Variants in ERI1 observed in about 807,000 individuals in gnomAD.
The protein encoded by ERI1 is exoribonuclease 1, also known as 3'-5' exoribonuclease 1.
A neutral mutation model predicts 39.7 loss-of-function variants in ERI1; 39 were observed. The observed-to-expected ratio is 0.98, with a 90% CI of 0.76 to 1.28. ERI1 has a LOEUF of 1.28. ERI1 is among the 50% of genes most tolerant of loss of function. ERI1 has a pLI of 0.00. For synonymous variants in ERI1, 204 were observed against 149.6 expected (o/e 1.36, Z -2.65); for missense variants, 581 against 416.9 (o/e 1.39, Z -3.43).
At position 9,011,552 on chromosome 8, in the gene ERI1, G is replaced by T; in HGVS notation, c.298G>T (p.Asp100Tyr). The T allele has an allele frequency of 6.2e-7, 1 of 1,605,480 alleles. No homozygotes were observed. The highest frequency in any genetic ancestry group is 1.7e-5 in the Admixed American group (1 of 58,700). Residue 100 changes from aspartate (D) to tyrosine (Y), a missense_variant, in exon 3 of 7, where the codon GAT (aspartate) becomes TAT (tyrosine). Physicochemically the swap from Asp to Tyr is radical, Grantham distance 160. Transcript: ENST00000250263. ...TCTTCTTCTACTTAGAGGAGTAAAG[G>T]ATGTTCTAAAGAAGAGACTGAAAAA... ...EFKLETRGVK[D>Y]VLKKRLKNYY...
intron 1 of ERI1, chr8:9,004,083 C>A (rs956719226): frequency 7.8e-7 from 1 of 1,289,324 alleles, no homozygotes. Context: ...GTGCCCCTCG[C>A]TGCCTTGTGT....
Position 9,031,344 on chromosome 8 carries a change from A to G in ERI1, c.*1310A>G, listed in dbSNP as rs1797574882. The G allele has an allele frequency of 6.6e-6, 1 of 152,228 alleles. No individual in the cohort carries two copies. Among genetic ancestry groups the G allele is most frequent in the Non-Finnish European group, 1.5e-5 (1 of 68,046 alleles). The allele number at this position is 152,228 out of a possible 1,614,324, so 9.4% of individuals were successfully genotyped here. On this transcript the variant is annotated 3_prime_UTR_variant, in exon 7 of 7. Transcript: ENST00000250263. ...GGCAGTAGATTTCTTAAGCCAATGA[A>G]TTTCTGCTTTTCAGCAGTAGTCATA...
rs577459277 is a variant in ERI1 at position 9,056,227 on chromosome 8, G to T, written n.299+35763G>T. The stretch of plus-strand genomic sequence containing the variant: ...GGAAGTGGAAGACACTGTCTCTGCG[G>T]ATTTGGGATCAGCTGGATGGGGCAC... On this transcript the variant is annotated intron_variant and non_coding_transcript_variant, in intron 3 of 3. Transcript: ENST00000518663. 4.6e-5 allele frequency among the ~76,000 whole-genome samples: 7 copies of T among 152,368 alleles called. No individual in the cohort carries two copies. In the South Asian group the frequency reaches 1.4e-3, roughly 32 times the overall value.
chr8:9,096,979 A>C (rs1658220180), intron 3 of ERI1: 1 of 151,950 alleles, frequency 6.6e-6, no homozygotes, highest in African/African-American at 2.4e-5. Flanking sequence ...TTATGATGGG[A>C]GTCAGGGCTC....
chr8:9,099,876 T>C (rs1799997190), intron 3 of ERI1: 1 of 151,738 alleles, frequency 6.6e-6, no homozygotes, highest in Non-Finnish European at 1.5e-5. Flanking sequence ...TGAGTGGAAT[T>C]GCTGAGTCAT....
intron 3 of ERI1, among the ~76,000 whole-genome samples, chr8:9,043,643 C>T (rs1020065245): frequency 1.2e-4 from 18 of 152,150 alleles, no homozygotes; most frequent in African/African-American, 4.3e-4. Flanking sequence ...AGAGGTTGGG[C>T]AATTTTGGAA....
chr8:9,020,158 G>A (rs532890124), intron 5 of ERI1, among the ~76,000 whole-genome samples, 192 bp from the exon 6 acceptor site: 1 of 152,170 alleles, frequency 6.6e-6, no homozygotes, highest in East Asian at 1.9e-4. Context: ...TAATATATCC[G>A]ACTTCTTTGT....
At chr8:9,029,524 T>G (rs1012914021) in intron 6 of ERI1, among the ~76,000 whole-genome samples, 6 of 152,046 alleles carry the variant, frequency 3.9e-5, no homozygotes, top group African/African-American at 1.4e-4. Flanking sequence ...AGAGATGGGG[T>G]GTCACCATGT....
chr8:9,020,431 C>A lies in ERI1; in HGVS notation c.774C>A (p.Ile258=). The change falls in exon 6 of 7, where the codon ATC becomes ATA. Residue 258 remains isoleucine, a synonymous_variant. Coordinates refer to ENST00000250263, the MANE Select transcript of ERI1 (RefSeq NM_153332.4). ...LKYPPFAKKW[I]NIRKSYGNFY... is the part of the protein sequence containing the mutation. ...ACCCTCCTTTTGCGAAAAAGTGGAT[C>A]AATATTCGGAAGTCATATGGAAATT... The A allele has an allele frequency of 1.9e-6, 3 of 1,606,604 alleles. No individual in the cohort carries two copies. Among genetic ancestry groups the A allele is most frequent in the Non-Finnish European group, 2.5e-6 (3 of 1,176,822 alleles).
chr8:9,011,749 A>G lies in ERI1; in HGVS notation c.495A>G (p.Glu165=). The change falls in exon 3 of 7, where the codon GAA becomes GAG. Residue 165 remains glutamate, a synonymous_variant. Coordinates refer to ENST00000250263, the MANE Select transcript of ERI1 (RefSeq NM_153332.4). The stretch of plus-strand genomic sequence containing the variant: ...TTTTACTGAATACGCATACTTTAGA[A>G]ATAGTAAGTGAATTTTTGTATTTTA... ...PVVLLNTHTL[E]IEDTFQQYVR... is the part of the protein sequence containing the mutation. 6.3e-7 allele frequency: 1 copy of G among 1,590,796 alleles called. No individual in the cohort carries two copies. The highest frequency in any genetic ancestry group is 8.6e-7 in the Non-Finnish European group (1 of 1,164,374).
chr8:9,035,479 G>A (rs1028940806), downstream of ERI1, among the ~76,000 whole-genome samples: 3 of 152,116 alleles, frequency 2.0e-5, no homozygotes, highest in African/African-American at 7.2e-5. Flanking sequence ...AAAGGGAACG[G>A]CAAAGCCTGA....
intron 3 of ERI1, among the ~76,000 whole-genome samples, chr8:9,084,458 A>G (rs1421767770): frequency 1.3e-5 from 2 of 152,182 alleles, no homozygotes; most frequent in African/African-American, 2.4e-5. Context: ...CCCCACGTTT[A>G]TCATTGTGTA....
intron 3 of ERI1, among the ~76,000 whole-genome samples, chr8:9,016,046 A>G (rs1817240440): frequency 7.1e-6 from 1 of 141,512 alleles, no homozygotes; most frequent in Non-Finnish European, 1.6e-5. Flanking sequence ...GAACAAAATT[A>G]TTAATATTTT....
rs148409669 is a variant in ERI1 at position 9,013,470 on chromosome 8, C to G, written c.498+1718C>G. Among the ~76,000 whole-genome samples, 134 of 152,198 alleles carry G rather than the reference C, an allele frequency of 8.8e-4. 1 individual carries two copies. Among genetic ancestry groups the G allele is most frequent in the Middle Eastern group, 6.8e-3 (2 of 294 alleles). On this transcript the variant is annotated intron_variant, in intron 3 of 6. Transcript: ENST00000250263. Reference sequence around the variant, plus strand: ...CTTGCAGTTTTCTTTGCTGGTTCCTCCTTTCCTTCCCAGCTTCCCCGTATC... The same window carrying G: ...CTTGCAGTTTTCTTTGCTGGTTCCTGCTTTCCTTCCCAGCTTCCCCGTATC...
chr8:9,034,501 A>ATC (rs984531657), downstream of ERI1, among the ~76,000 whole-genome samples: 1 of 152,012 alleles, frequency 6.6e-6, no homozygotes, highest in Non-Finnish European at 1.5e-5. Context: ...GATTATTATT[A>ATC]TCTCTCTTAG....
chr8:9,079,523 CTTGCTAAAGTTCAAATGACTGTG>C (rs1317653313), intron 3 of ERI1, among the ~76,000 whole-genome samples: 2 of 152,158 alleles, frequency 1.3e-5, no homozygotes, highest in Non-Finnish European at 2.9e-5. Flanking sequence ...AAAAGAGGAG[CTTGCTAAAGTTCAAATGACTGTG>C]TCGATCTAAA....
In ERI1 at chr8:9,016,437, T is replaced by A. The variant is rs768247644; in HGVS notation, c.582+32T>A. On this transcript the variant is annotated intron_variant, in intron 4 of 6. Coordinates refer to ENST00000250263, the MANE Select transcript of ERI1 (RefSeq NM_153332.4). ...ATTCTAAGTTCTTCTTTCTAGAGTT[T>A]GAAAGAGTTCTTGAAATTAGGGATT... is the stretch of plus-strand genomic sequence containing the variant. 2.9e-6 allele frequency: 4 copies of A among 1,367,018 alleles called. No homozygotes were observed. In the African/African-American group the frequency reaches 5.9e-5, roughly 20 times the overall value. 84.7% of individuals were successfully genotyped at this position (1,367,018 alleles called of 1,614,324 possible). A position where few individuals can be genotyped will look rare whatever the true frequency, so the allele number is the denominator to read the frequency against.
rs187868467 is a variant in ERI1, at chr8:9,027,635, A to G, written c.808-2157A>G. Reference sequence around the variant, plus strand: ...TGTCTTACATTTAGGTCTTTGATCAATTTTAAGTTAATTTTGTTATATGGT... The same window carrying G: ...TGTCTTACATTTAGGTCTTTGATCAGTTTTAAGTTAATTTTGTTATATGGT... On this transcript the variant is annotated intron_variant, in intron 6 of 6. Transcript: ENST00000250263. 7.8e-3 allele frequency among the ~76,000 whole-genome samples: 1,190 copies of G among 152,256 alleles called. 15 individuals are homozygous for G. The highest frequency in any genetic ancestry group is 0.028 in the African/African-American group (1,143 of 41,548).
rs183273578 is a variant in ERI1, at chr8:9,016,288, T to A, written c.499-34T>A. The A allele has an allele frequency of 1.8e-5, 25 of 1,392,458 alleles. No individual in the cohort carries two copies. The South Asian group carries it at 3.1e-4, about 17-fold the overall frequency. The allele number at this position is 1,392,458 out of a possible 1,614,324, so 86.3% of individuals were successfully genotyped here. On this transcript the variant is annotated intron_variant, in intron 3 of 6. Transcript: ENST00000250263. Reference sequence around the variant, plus strand: ...CATGTATCGTGTATCTTAACTCATATAAATTACTTTAACTTGCTATCCTTC... The same window carrying A: ...CATGTATCGTGTATCTTAACTCATAAAAATTACTTTAACTTGCTATCCTTC...
Sources: gnomAD v4.1 joint callset for allele counts (sites outside exome capture counted in the v4.1 genomes callset) on GRCh38, gnomAD v4.1.1 for gene constraint, MANE v1.5 for transcripts, NCBI Gene and HGNC (gene_info 2026-07-23, HGNC 2026-07-21) for gene names.